The following LARGE1 variants were observed in gnomAD, a reference collection of about 807,000 sequenced individuals.
LARGE1 encodes the protein LARGE xylosyl- and glucuronyltransferase 1.
Under a neutral mutation model 87.6 loss-of-function variants are expected in LARGE1, and 43 were observed. The ratio of observed to expected loss-of-function variants is 0.49; its 90% CI spans 0.38 to 0.63. The LOEUF (loss-of-function observed/expected upper bound fraction) is 0.63. LARGE1 is among the 30% of genes least tolerant of loss of function. The probability of loss-of-function intolerance (pLI) is 0.00; values close to 1 mark genes in which losing one functional copy is unlikely to be tolerated. For synonymous variants in LARGE1, 434 were observed against 394.6 expected (o/e 1.10, Z -1.18); for missense variants, 802 against 1,000.2 (o/e 0.80, Z 2.67).
chr22:33,835,645 T>C (rs1354336868), intron 1 of LARGE1, among the ~76,000 whole-genome samples: 1 of 152,226 alleles, frequency 6.6e-6, no homozygotes, highest in Non-Finnish European at 1.5e-5. Flanking sequence ...AAAGTCGTTA[T>C]AACGAAGAGC....
intron 5 of LARGE1, among the ~76,000 whole-genome samples, chr22:33,574,498 C>T (rs999806618): frequency 2.7e-5 from 4 of 150,278 alleles, no homozygotes; most frequent in East Asian, 2.0e-4. Context: ...GTTTGAGATA[C>T]GTATAGCAGT....
chr22:33,548,823 G>T (rs889452241), intron 6 of LARGE1, among the ~76,000 whole-genome samples: 2 of 152,142 alleles, frequency 1.3e-5, no homozygotes, highest in African/African-American at 2.4e-5. Context: ...AGGATTATTG[G>T]CTGGATTTGG....
chr22:33,199,993 C>A (rs970003070), intron 11 of LARGE1, among the ~76,000 whole-genome samples: 5 of 151,950 alleles, frequency 3.3e-5, no homozygotes, highest in African/African-American at 1.2e-4. Flanking sequence ...GGATTACAGG[C>A]ACCTGCCACC....
In LARGE1 at chr22:33,306,226, G is replaced by A. The variant is rs545825309; in HGVS notation, c.1452-1719C>T. The stretch of plus-strand genomic sequence containing the variant: ...CTTTGTACTAGACTTCTGCTGTGGG[G>A]GCCTGCCCTCTCCTGGGCTCTGATC... On this transcript the variant is annotated intron_variant, in intron 11 of 14. Transcript: ENST00000397394. 2.0e-5 allele frequency among the ~76,000 whole-genome samples: 3 copies of A among 152,266 alleles called. No homozygotes were observed. The South Asian group carries it at 6.2e-4, about 32-fold the overall frequency.
intron 3 of LARGE1, among the ~76,000 whole-genome samples, chr22:33,649,368 T>C (rs16992700): frequency 0.016 from 2,498 of 152,298 alleles, 47 homozygotes; most frequent in African/African-American, 0.049. Flanking sequence ...TTTAGGGAGT[T>C]TGAAGTCTAA....
chr22:33,645,339 G>A (rs1186917132), intron 3 of LARGE1, among the ~76,000 whole-genome samples: 3 of 152,156 alleles, frequency 2.0e-5, no homozygotes, highest in Non-Finnish European at 4.4e-5. Flanking sequence ...ACAAGAAATA[G>A]GGAAAGGATT....
At chr22:33,777,148 A>G (rs2085263663) in intron 1 of LARGE1, among the ~76,000 whole-genome samples, 1 of 152,194 alleles carries the variant, frequency 6.6e-6, no homozygotes, top group Non-Finnish European at 1.5e-5. Context: ...AGAAAGAACC[A>G]TTAGAAAAAA....
chr22:33,356,024 T>A (rs1940858059), intron 9 of LARGE1, among the ~76,000 whole-genome samples: 1 of 122,710 alleles, frequency 8.1e-6, no homozygotes, highest in African/African-American at 3.1e-5. Context: ...AGAACTCCGC[T>A]CTCCCCATCC....
At chr22:33,382,068 C>G (rs1359907549) in intron 8 of LARGE1, 24 bp from the exon 9 acceptor site, 5 of 1,613,738 alleles carry the variant, frequency 3.1e-6, no homozygotes, top group Non-Finnish European at 3.4e-6. Context: ...GCCAAAGACA[C>G]AGTCAAGACA....
At chr22:33,414,547 C>T (rs2066421034) in intron 7 of LARGE1, among the ~76,000 whole-genome samples, 1 of 152,096 alleles carries the variant, frequency 6.6e-6, no homozygotes, top group Non-Finnish European at 1.5e-5. Flanking sequence ...ATTGGCAACT[C>T]ATGTTCAGAT....
At chr22:33,628,480 G>A (rs1427244452) in intron 3 of LARGE1, among the ~76,000 whole-genome samples, 1 of 151,826 alleles carries the variant, frequency 6.6e-6, no homozygotes, top group Non-Finnish European at 1.5e-5. Context: ...CTACGTCCAG[G>A]TAATTTTTGT....
chr22:33,770,864 A>G (rs2085047868), intron 1 of LARGE1, among the ~76,000 whole-genome samples: 1 of 152,068 alleles, frequency 6.6e-6, no homozygotes, highest in South Asian at 2.1e-4. Context: ...CCCATTCTTG[A>G]TAACTGTAAT....
chr22:33,624,522 A>G lies in LARGE1; in HGVS notation c.491+1722T>C, dbSNP rs866666255. ...TGAGGGTGGGAGGAAATGGAGAAGG[A>G]GGGAGAAATGGGTAGACAGAGCAGC... On this transcript the variant is annotated intron_variant, in intron 4 of 14. Coordinates refer to ENST00000397394, the MANE Select transcript of LARGE1 (RefSeq NM_133642.5). 2.0e-5 allele frequency among the ~76,000 whole-genome samples: 3 copies of G among 152,230 alleles called. No homozygotes were observed. The South Asian group carries it at 6.2e-4, about 32-fold the overall frequency.
chr22:33,763,282 A>C (rs1252763099), intron 1 of LARGE1, among the ~76,000 whole-genome samples: 2 of 152,260 alleles, frequency 1.3e-5, no homozygotes, highest in African/African-American at 4.8e-5. Context: ...CACCTAATGG[A>C]GCCGATCACA....
Position 33,557,005 on chromosome 22 carries a change from G to A in LARGE1, c.787+7843C>T, listed in dbSNP as rs535238032. On this transcript the variant is annotated intron_variant, in intron 6 of 14. Coordinates refer to ENST00000397394, the MANE Select transcript of LARGE1 (RefSeq NM_133642.5). Reference sequence around the variant, plus strand: ...TGGCGACAGAGTGAGACTGTTTCACGAACAAACAAACAACCCTGAGACATA... The same window carrying A: ...TGGCGACAGAGTGAGACTGTTTCACAAACAAACAAACAACCCTGAGACATA... Among the ~76,000 whole-genome samples, 34 of 151,916 alleles carry A rather than the reference G, an allele frequency of 2.2e-4. No individual in the cohort carries two copies. The East Asian group carries it at 2.7e-3, about 12-fold the overall frequency.
intron 1 of LARGE1, among the ~76,000 whole-genome samples, chr22:33,887,721 G>C (rs560663130): frequency 6.6e-6 from 1 of 151,480 alleles, no homozygotes; most frequent in Non-Finnish European, 1.5e-5. Context: ...TAAGTGACAA[G>C]AGCAAGACTC....
intron 1 of LARGE1, among the ~76,000 whole-genome samples, chr22:33,762,568 C>T (rs1393971462): frequency 6.6e-6 from 1 of 152,180 alleles, no homozygotes; most frequent in African/African-American, 2.4e-5. Context: ...AGCTTCCACC[C>T]TCAATATGGA....
chr22:33,322,261 T>G (rs1936807659), intron 10 of LARGE1, among the ~76,000 whole-genome samples: 1 of 152,220 alleles, frequency 6.6e-6, no homozygotes, highest in African/African-American at 2.4e-5. Flanking sequence ...TCCCCTTCAT[T>G]TCTGAACCAT....
At chr22:33,687,868 C>T (rs540035119) in intron 2 of LARGE1, among the ~76,000 whole-genome samples, 51 of 152,264 alleles carry the variant, frequency 3.3e-4, no homozygotes, top group African/African-American at 1.2e-3. Context: ...CTTTATCTGA[C>T]GGAGCCTCCA....
Sources: gnomAD v4.1 joint callset for allele counts (sites outside exome capture counted in the v4.1 genomes callset) on GRCh38, gnomAD v4.1.1 for gene constraint, MANE v1.5 for transcripts, NCBI Gene and HGNC (gene_info 2026-07-23, HGNC 2026-07-21) for gene names.